The following BANF2 variants were observed in gnomAD, a reference collection of about 807,000 sequenced individuals.
BANF2 encodes barrier-to-autointegration factor-like protein.
In BANF2, 4 loss-of-function variants were observed where a neutral mutation model predicts 8.0. The ratio of observed to expected loss-of-function variants is 0.50; its 90% CI spans 0.25 to 1.14. BANF2 has a LOEUF of 1.14. Ranked by LOEUF, BANF2 falls within the 50% of genes most tolerant of loss-of-function variation. The pLI is 0.16. For missense variants in BANF2, 96 were observed against 107.5 expected (o/e 0.89, Z 0.47); for synonymous variants, 50 against 40.6 (o/e 1.23, Z -0.88).
At chr20:17,729,763 G>A (rs942462410) in intron 3 of BANF2, among the ~76,000 whole-genome samples, 4 of 152,158 alleles carry the variant, frequency 2.6e-5, no homozygotes, top group African/African-American at 4.8e-5. Flanking sequence ...ACGCTAGTTT[G>A]TCTGCACATG....
chr20:17,727,352 ACTCT>A (rs1306236025), intron 3 of BANF2, among the ~76,000 whole-genome samples: 1 of 152,032 alleles, frequency 6.6e-6, no homozygotes, highest in Non-Finnish European at 1.5e-5. Context: ...GATGAGGGTC[ACTCT>A]CTCCACTTTA....
At chr20:17,693,717 T>C (rs1353796518) in intron 1 of BANF2, 1 of 1,551,336 alleles carries the variant, frequency 6.4e-7, no homozygotes, top group Non-Finnish European at 8.7e-7. Context: ...GTAAGGCAGA[T>C]TGGTCTGACT....
At chr20:17,719,135 G>GT (rs1214920763) in intron 1 of BANF2, among the ~76,000 whole-genome samples, 2 of 151,946 alleles carry the variant, frequency 1.3e-5, no homozygotes, top group Non-Finnish European at 2.9e-5. Context: ...GTTTCGTTTT[G>GT]TTTTTTGAGA....
intron 1 of BANF2, among the ~76,000 whole-genome samples, chr20:17,700,604 T>C (rs949157017): frequency 8.5e-5 from 13 of 152,176 alleles, no homozygotes; most frequent in Non-Finnish European, 1.0e-4. Flanking sequence ...CCTTTCCTTT[T>C]GGGACAGTAA....
chr20:17,727,788 A>G (rs148101536), intron 3 of BANF2, among the ~76,000 whole-genome samples: 157 of 152,196 alleles, frequency 1.0e-3, no homozygotes, highest in African/African-American at 3.6e-3. Context: ...TGTATTGCGC[A>G]GGCTGGGGTT....
chr20:17,709,049 C>A (rs1233669124), intron 1 of BANF2, among the ~76,000 whole-genome samples: 1 of 152,226 alleles, frequency 6.6e-6, no homozygotes, highest in Non-Finnish European at 1.5e-5. Flanking sequence ...TCTGGGAAAT[C>A]CTTTCTTTAT....
intron 1 of BANF2, among the ~76,000 whole-genome samples, chr20:17,711,374 T>C (rs536347699): frequency 1.3e-5 from 2 of 152,264 alleles, no homozygotes; most frequent in Non-Finnish European, 2.9e-5. Context: ...CTTACCCGTA[T>C]AAAGAAAATA....
At chr20:17,733,851 T>G (rs2037937594) in intron 3 of BANF2, among the ~76,000 whole-genome samples, 1 of 152,212 alleles carries the variant, frequency 6.6e-6, no homozygotes. Flanking sequence ...GGGATTCAGC[T>G]TTTATTTGAT....
chr20:17,704,965 C>T (rs2037460843), intron 1 of BANF2, among the ~76,000 whole-genome samples: 1 of 152,210 alleles, frequency 6.6e-6, no homozygotes, highest in Non-Finnish European at 1.5e-5. Flanking sequence ...GGCAAAAGTG[C>T]CAGGATTCTG....
intron 3 of BANF2, chr20:17,731,449 G>A (rs1600229787): frequency 6.6e-6 from 1 of 152,386 alleles, no homozygotes; most frequent in African/African-American, 2.4e-5. Flanking sequence ...ATTGTAAGCA[G>A]CTAGAGAACA....
At chr20:17,700,611 G>C (rs377540417) in intron 1 of BANF2, among the ~76,000 whole-genome samples, 1 of 152,214 alleles carries the variant, frequency 6.6e-6, no homozygotes, top group South Asian at 2.1e-4. Flanking sequence ...TTTTGGGACA[G>C]TAAGAGAGCT....
chr20:17,702,941 C>T (rs954174116), intron 1 of BANF2, among the ~76,000 whole-genome samples: 10 of 152,192 alleles, frequency 6.6e-5, no homozygotes, highest in Admixed American at 3.9e-4. Context: ...GATTACATAG[C>T]CATCGGTGGC....
At chr20:17,694,245 A>G (rs1043284474) in intron 1 of BANF2, among the ~76,000 whole-genome samples, 1 of 152,222 alleles carries the variant, frequency 6.6e-6, no homozygotes, top group Non-Finnish European at 1.5e-5. Context: ...TCAAGTACTC[A>G]TAAAACACAG....
At chr20:17,718,557 T>C (rs914729725) in intron 1 of BANF2, among the ~76,000 whole-genome samples, 3 of 152,222 alleles carry the variant, frequency 2.0e-5, no homozygotes, top group African/African-American at 7.2e-5. Context: ...CCATGTATAG[T>C]GTCCCCACTG....
upstream of BANF2, among the ~76,000 whole-genome samples, chr20:17,696,050 C>T (rs114788366): frequency 2.4e-3 from 361 of 152,320 alleles, 1 homozygote; most frequent in African/African-American, 8.2e-3. Context: ...TAAGAATATA[C>T]ATTCACCTAT....
At chr20:17,733,751 C>A (rs1292245602) in intron 3 of BANF2, among the ~76,000 whole-genome samples, 1 of 152,140 alleles carries the variant, frequency 6.6e-6, no homozygotes, top group Non-Finnish European at 1.5e-5. Context: ...AGAATCACCA[C>A]AAAATCCTGG....
At chr20:17,725,378 C>G (rs1041004299) in intron 3 of BANF2, among the ~76,000 whole-genome samples, 3 of 152,246 alleles carry the variant, frequency 2.0e-5, no homozygotes, top group African/African-American at 7.2e-5. Context: ...CAGTTCAGAG[C>G]AGCTGGGCTA....
At chr20:17,714,211 AAAAGAAAG>A (rs1311821914) in intron 1 of BANF2, among the ~76,000 whole-genome samples, 1 of 143,196 alleles carries the variant, frequency 7.0e-6, no homozygotes, top group Non-Finnish European at 1.5e-5. Flanking sequence ...AAAAAAAAAA[AAAAGAAAG>A]AAAGAAAGAA....
chr20:17,701,231 A>G (rs1205938335), intron 1 of BANF2, among the ~76,000 whole-genome samples: 1 of 152,218 alleles, frequency 6.6e-6, no homozygotes, highest in African/African-American at 2.4e-5. Flanking sequence ...CCGGCGCTAG[A>G]GCAACCTGTG....
Sources: gnomAD v4.1 joint callset for allele counts (sites outside exome capture counted in the v4.1 genomes callset) on GRCh38, gnomAD v4.1.1 for gene constraint, MANE v1.5 for transcripts, NCBI Gene and HGNC (gene_info 2026-07-23, HGNC 2026-07-21) for gene names.